The following AGO3 variants were observed in gnomAD, a reference collection of about 807,000 sequenced individuals.
AGO3 encodes the protein argonaute RISC catalytic component 3.
A neutral mutation model predicts 105.5 loss-of-function variants in AGO3; 16 were observed. The observed-to-expected ratio is 0.15, with a 90% CI of 0.10 to 0.23. The LOEUF (loss-of-function observed/expected upper bound fraction) is 0.23. Ranked by LOEUF, AGO3 falls within the 10% of genes least tolerant of loss-of-function variation. AGO3 has a pLI of 1.00. For synonymous variants in AGO3, 340 were observed against 367.3 expected (o/e 0.93, Z 0.85); for missense variants, 534 against 1,088.0 (o/e 0.49, Z 7.16).
rs540776944 is a variant in AGO3, at chr1:36,013,844, G to T, written c.1273-71G>T. On this transcript the variant is annotated intron_variant, in intron 10 of 18. Coordinates refer to ENST00000373191, the MANE Select transcript of AGO3 (RefSeq NM_024852.4). ...CAGAAATATTTCAATTCAGCGATTTGAAATGTTTACTTTCTGTTTATTGAA... is the reference window on the plus strand; with the variant it reads ...CAGAAATATTTCAATTCAGCGATTTTAAATGTTTACTTTCTGTTTATTGAA... 1.1e-4 allele frequency: 169 copies of T among 1,601,252 alleles called. 1 individual carries two copies. The Middle Eastern group carries it at 1.5e-3, about 14-fold the overall frequency.
chr1:35,940,885 T>C (rs1646241052), intron 1 of AGO3, among the ~76,000 whole-genome samples: 1 of 152,172 alleles, frequency 6.6e-6, no homozygotes. Context: ...TTCTAAATAT[T>C]GGGAGTATCC....
chr1:35,952,110 GTCTTTCTTTCTTTCTTTCTT>G (rs146413112), intron 2 of AGO3, among the ~76,000 whole-genome samples: 10 of 113,010 alleles, frequency 8.8e-5, no homozygotes, highest in South Asian at 2.9e-4. Context: ...TTCTGGGTCG[GTCTTTCTTTCTTTCTTTCTT>G]TCTTTCTTTC....
At chr1:36,043,406 C>T in intron 16 of AGO3, 41 bp from the exon 17 acceptor site, 3 of 1,515,002 alleles carry the variant, frequency 2.0e-6, no homozygotes, top group Non-Finnish European at 1.8e-6. Flanking sequence ...TATATTTTTA[C>T]CTTTTTCTTG....
intron 11 of AGO3, among the ~76,000 whole-genome samples, chr1:36,017,576 T>G (rs1178106128): frequency 3.3e-5 from 5 of 152,100 alleles, no homozygotes; most frequent in African/African-American, 4.8e-5. Flanking sequence ...TTTAGAGAGA[T>G]AAATTTCTAA....
intron 5 of AGO3, among the ~76,000 whole-genome samples, chr1:35,985,523 T>C (rs72902994): frequency 0.023 from 3,433 of 152,276 alleles, 134 homozygotes; most frequent in African/African-American, 0.076. Context: ...TTATGGAAAC[T>C]GTAAATATCT....
intron 9 of AGO3, among the ~76,000 whole-genome samples, chr1:36,011,653 CACTT>C (rs1040784173): frequency 1.3e-5 from 2 of 152,168 alleles, no homozygotes; most frequent in Non-Finnish European, 2.9e-5. Context: ...CTGGCTTCTC[CACTT>C]ACTTACTGTT....
intron 12 of AGO3, among the ~76,000 whole-genome samples, chr1:36,028,401 C>CA (rs1259538605): frequency 8.8e-6 from 1 of 113,066 alleles, no homozygotes; most frequent in East Asian, 3.6e-4. Flanking sequence ...TCCCCCCCCC[C>CA]CACCCCACAA....
chr1:36,004,223 C>A, intron 5 of AGO3, 118 bp from the exon 6 acceptor site: 1 of 1,089,606 alleles, frequency 9.2e-7, no homozygotes, highest in Non-Finnish European at 1.3e-6. Flanking sequence ...TTTGTATGTA[C>A]ATAAATGTGC....
Position 36,060,874 on chromosome 1 carries a change from G to T in AGO3, c.*5129G>T, listed in dbSNP as rs182696033. The T allele has an allele frequency of 1.3e-4, 20 of 152,128 alleles. No individual in the cohort carries two copies. The highest frequency in any genetic ancestry group is 2.1e-4 in the Non-Finnish European group (14 of 68,022). The allele number at this position is 152,128 out of a possible 1,614,324, so 9.4% of individuals were successfully genotyped here. On this transcript the variant is annotated 3_prime_UTR_variant, in exon 19 of 19. Coordinates refer to ENST00000373191, the MANE Select transcript of AGO3 (RefSeq NM_024852.4). ...ATGTCTTAAAGCTTCAGTAAGAATTGTTGGGAGGTTTGACATCAAGTAACG... is the reference window on the plus strand; with the variant it reads ...ATGTCTTAAAGCTTCAGTAAGAATTTTTGGGAGGTTTGACATCAAGTAACG...
chr1:35,973,584 A>G (rs1295804496), intron 5 of AGO3, 73 bp downstream of exon 5: 1 of 1,312,090 alleles, frequency 7.6e-7, no homozygotes, highest in Non-Finnish European at 9.9e-7. Flanking sequence ...AATTTTATAT[A>G]TAATTATACA....
intron 1 of AGO3, among the ~76,000 whole-genome samples, chr1:35,936,191 G>A (rs932957467): frequency 3.3e-5 from 5 of 151,820 alleles, no homozygotes; most frequent in South Asian, 2.1e-4. Context: ...TGTATTTGGA[G>A]TTTCTGTGGT....
At chr1:36,022,062 C>CTTTTTT (rs34538981) in intron 11 of AGO3, among the ~76,000 whole-genome samples, 1 of 110,294 alleles carries the variant, frequency 9.1e-6, no homozygotes, top group Non-Finnish European at 1.7e-5. Flanking sequence ...AGTTGGGGGC[C>CTTTTTT]TTTTTTTTTT....
Position 36,027,449 on chromosome 1 carries a change from T to C in AGO3, c.1591+151T>C. The C allele has an allele frequency of 1.2e-6, 1 of 824,434 alleles. No homozygotes were observed. Among genetic ancestry groups the C allele is most frequent in the South Asian group, 3.1e-5 (1 of 31,988 alleles). The allele number at this position is 824,434 out of a possible 1,614,324, so 51.1% of individuals were successfully genotyped here. ...ATTATTACTTGAAGACAAATTAATATAGCAAACTAAATAGTCCAAGATGAG... is the reference window on the plus strand; with the variant it reads ...ATTATTACTTGAAGACAAATTAATACAGCAAACTAAATAGTCCAAGATGAG... On this transcript the variant is annotated intron_variant, in intron 12 of 18. Transcript: ENST00000373191. This position sits in a 1 kb window ranked among gnomAD's most constrained non-coding sequence, Gnocchi z 4.0.
At position 36,067,595 on chromosome 1, in the gene AGO3, A is replaced by C. The variant is rs1242136713; in HGVS notation, c.*11850A>C. The C allele has an allele frequency of 1.3e-5, 2 of 152,246 alleles. No homozygotes were observed. Among genetic ancestry groups the C allele is most frequent in the Non-Finnish European group, 2.9e-5 (2 of 68,056 alleles). 9.4% of individuals were successfully genotyped at this position (152,246 alleles called of 1,614,324 possible). A position where few individuals can be genotyped will look rare whatever the true frequency, so the allele number is the denominator to read the frequency against. ...GGTGGCAGGCGCCTGAGGCTGAGGC[A>C]GGAGAATCCTGCTAGTCTGAATTAC... On this transcript the variant is annotated 3_prime_UTR_variant, in exon 19 of 19. Transcript: ENST00000373191.
intron 9 of AGO3, chr1:36,013,298 G>C (rs1319058154): frequency 3.3e-5 from 6 of 182,894 alleles, no homozygotes; most frequent in Non-Finnish European, 7.0e-5. Context: ...CTAGTTTCAA[G>C]CTTCTGGGCT....
chr1:36,018,526 G>A (rs1372675877), intron 11 of AGO3, among the ~76,000 whole-genome samples: 1 of 151,470 alleles, frequency 6.6e-6, no homozygotes, highest in East Asian at 1.9e-4. Context: ...TCCATCTCCC[G>A]GGTTCAAGCA....
chr1:35,965,986 C>T (rs748654329), intron 2 of AGO3, among the ~76,000 whole-genome samples: 11 of 152,050 alleles, frequency 7.2e-5, no homozygotes, highest in Middle Eastern at 3.4e-3. Flanking sequence ...CCACTGTACC[C>T]GGCTAATTTT....
chr1:36,068,272 T>C lies in AGO3; in HGVS notation c.*12527T>C, dbSNP rs1361962515. The C allele has an allele frequency of 6.6e-6, 1 of 152,252 alleles. No individual in the cohort carries two copies. Among genetic ancestry groups the C allele is most frequent in the African/African-American group, 2.4e-5 (1 of 41,458 alleles). The allele number at this position is 152,252 out of a possible 1,614,324, so 9.4% of individuals were successfully genotyped here. On this transcript the variant is annotated 3_prime_UTR_variant, in exon 19 of 19. Transcript: ENST00000373191. ...AGATTGAAAGTATTAATGTTGCAAGTATTATCTCTAGCCATGGAATTTTTT... is the reference window on the plus strand; with the variant it reads ...AGATTGAAAGTATTAATGTTGCAAGCATTATCTCTAGCCATGGAATTTTTT...
Position 36,055,733 on chromosome 1 carries a change from G to C in AGO3, c.2571G>C (p.Met857Ile). 6.2e-7 allele frequency: 1 copy of C among 1,614,052 alleles called. No homozygotes were observed. The highest frequency in any genetic ancestry group is 8.5e-7 in the Non-Finnish European group (1 of 1,179,956). ...TTCACCAAGATACCTTACGCACAATGTACTTCGCTTAAATAGTCCAAGTAT... is the reference window on the plus strand; with the variant it reads ...TTCACCAAGATACCTTACGCACAATCTACTTCGCTTAAATAGTCCAAGTAT... ...VQIHQDTLRT[M>I]YFA Residue 857 changes from methionine to isoleucine, a missense_variant, in exon 19 of 19, where the codon ATG becomes ATC. Physicochemically the swap from Met to Ile is conservative, Grantham distance 10. Around this residue, in one of 2 missense-constraint regions of AGO3, gnomAD observed 373 missense variants for 854.0 expected, o/e 0.44. Transcript: ENST00000373191. This position sits in a 1 kb window ranked among gnomAD's most constrained non-coding sequence, Gnocchi z 4.4.
Sources: allele counts gnomAD v4.1 joint callset (sites outside exome capture counted in the v4.1 genomes callset), GRCh38; gene constraint gnomAD v4.1.1; regional missense constraint gnomAD v4.1.1; non-coding constraint Gnocchi (gnomAD v3.1); transcripts MANE v1.5; gene names NCBI Gene and HGNC (gene_info 2026-07-23, HGNC 2026-07-21).